Variants in SESTD1 observed in about 807,000 individuals in gnomAD.
SESTD1 encodes the protein SEC14 domain and spectrin repeat-containing protein 1.
A neutral mutation model predicts 101.7 loss-of-function variants in SESTD1; 43 were observed. That is an observed-to-expected ratio of 0.42 (90% CI 0.33 to 0.55). SESTD1 has a LOEUF of 0.55. Ranked by LOEUF, SESTD1 falls within the 20% of genes least tolerant of loss-of-function variation. SESTD1 has a pLI of 0.07. For missense variants in SESTD1, 647 were observed against 815.1 expected (o/e 0.79, Z 2.51); for synonymous variants, 283 against 286.8 (o/e 0.99, Z 0.13).
intron 1 of SESTD1, among the ~76,000 whole-genome samples, chr2:179,226,262 T>G (rs1305432778): frequency 6.6e-6 from 1 of 152,142 alleles, no homozygotes; most frequent in African/African-American, 2.4e-5. Context: ...GGGAAAAATC[T>G]GAGTATCTGG....
chr2:179,243,936 A>ATG (rs575318092), intron 1 of SESTD1, among the ~76,000 whole-genome samples: 20,241 of 143,444 alleles, frequency 0.14, 1,611 homozygotes, highest in South Asian at 0.25. Flanking sequence ...ATATATATAT[A>ATG]TGTGTGTGTA....
intron 1 of SESTD1, among the ~76,000 whole-genome samples, chr2:179,253,347 C>A (rs1341792945): frequency 1.3e-5 from 2 of 152,024 alleles, no homozygotes; most frequent in African/African-American, 4.8e-5. Context: ...TTAATGGAAA[C>A]CCTGGTGATA....
At chr2:179,214,020 A>G (rs1178628705) in intron 1 of SESTD1, among the ~76,000 whole-genome samples, 2 of 135,394 alleles carry the variant, frequency 1.5e-5, no homozygotes, top group Non-Finnish European at 3.2e-5. Flanking sequence ...CAGCCACTGC[A>G]AAAACGTGCC....
In SESTD1 at chr2:179,208,845, T is replaced by A. The variant is rs1454656778; in HGVS notation, c.-25-16979A>T. Among the ~76,000 whole-genome samples the A allele has an allele frequency of 2.2e-5, 3 of 134,672 alleles. 1 individual carries two copies. Among genetic ancestry groups the A allele is most frequent in the African/African-American group, 8.8e-5 (3 of 34,040 alleles). The allele number at this position is 134,672 out of a possible 152,430, so 88.4% of individuals were successfully genotyped here. A position where few individuals can be genotyped will look rare whatever the true frequency, so the allele number is the denominator to read the frequency against. On this transcript the variant is annotated intron_variant, in intron 1 of 17. Transcript: ENST00000428443. ...CCAAGGTATTTGGTCAACAAATAGC[T>A]TGATGAATAGAATAGTACCTCACAT...
intron 3 of SESTD1, among the ~76,000 whole-genome samples, chr2:179,178,140 A>G (rs757687342): frequency 6.6e-6 from 1 of 152,234 alleles, no homozygotes; most frequent in Non-Finnish European, 1.5e-5. Context: ...ACAACCTGTG[A>G]ATATACTAAA....
At chr2:179,183,274 A>C in intron 2 of SESTD1, 86 bp from the exon 3 acceptor site, 1 of 781,958 alleles carries the variant, frequency 1.3e-6, no homozygotes, top group Non-Finnish European at 1.9e-6. Flanking sequence ...ATCTTACTAA[A>C]ATAATGATAA....
intron 5 of SESTD1, among the ~76,000 whole-genome samples, chr2:179,157,207 G>A (rs776742790): frequency 3.9e-5 from 6 of 152,086 alleles, no homozygotes; most frequent in Non-Finnish European, 8.8e-5. Flanking sequence ...AAACACTGCT[G>A]AAAGAAATCA....
At chr2:179,220,319 A>C (rs2046794912) in intron 1 of SESTD1, among the ~76,000 whole-genome samples, 1 of 152,200 alleles carries the variant, frequency 6.6e-6, no homozygotes, top group African/African-American at 2.4e-5. Context: ...AATTTTAAAA[A>C]TCTTTGGCTC....
chr2:179,130,861 A>T (rs913255684), intron 10 of SESTD1, among the ~76,000 whole-genome samples: 2 of 149,146 alleles, frequency 1.3e-5, no homozygotes, highest in East Asian at 1.9e-4. Flanking sequence ...AATCCATGTT[A>T]AAAAAAAAAT....
chr2:179,122,263 G>GT (rs144475229), intron 12 of SESTD1, among the ~76,000 whole-genome samples: 8,613 of 152,232 alleles, frequency 0.057, 339 homozygotes, highest in East Asian at 0.12. Context: ...ACAATTTTCT[G>GT]TTTTTTCTTC....
chr2:179,117,355 A>T lies in SESTD1; in HGVS notation c.1524+177T>A, dbSNP rs538408106. 7.9e-5 allele frequency among the ~76,000 whole-genome samples: 12 copies of T among 151,898 alleles called. No individual in the cohort carries two copies. The South Asian group carries it at 2.5e-3, about 32-fold the overall frequency. On this transcript the variant is annotated intron_variant, in intron 14 of 17. Transcript: ENST00000428443. ...TTCATTGAGAAAATTAAGTTAAATG[A>T]GATCAATCAACTAGCTGGGAATACC...
chr2:179,229,406 A>AGGCCTTCAGAC (rs1450343595), intron 1 of SESTD1, among the ~76,000 whole-genome samples: 3 of 152,078 alleles, frequency 2.0e-5, no homozygotes, highest in Non-Finnish European at 4.4e-5. Context: ...CCTAGTCCTC[A>AGGCCTTCAGAC]GGCCTTCAGA....
At chr2:179,232,462 A>C (rs1275086526) in intron 1 of SESTD1, among the ~76,000 whole-genome samples, 3 of 152,080 alleles carry the variant, frequency 2.0e-5, no homozygotes, top group Admixed American at 1.3e-4. Flanking sequence ...TAAATGAACA[A>C]GGTTAATCCA....
chr2:179,174,939 A>C (rs1183080810), intron 4 of SESTD1, among the ~76,000 whole-genome samples: 1 of 76,468 alleles, frequency 1.3e-5, no homozygotes, highest in African/African-American at 3.6e-5. Flanking sequence ...TGAGTCCCTG[A>C]TATAAAAAAA....
rs750314892 is a variant in SESTD1, at chr2:179,191,752, T to C, written c.55+35A>G. On this transcript the variant is annotated intron_variant, in intron 2 of 17. Transcript: ENST00000428443. ...AGAAGAAACTATTAAAAAGTTTGTA[T>C]ATCAAACACTTCAAATTTTAAGAAG... The C allele has an allele frequency of 1.9e-6, 3 of 1,562,892 alleles. No homozygotes were observed. The South Asian group carries it at 3.4e-5, about 18-fold the overall frequency.
chr2:179,159,194 G>A (rs970086875), intron 5 of SESTD1, among the ~76,000 whole-genome samples: 24 of 152,128 alleles, frequency 1.6e-4, no homozygotes, highest in African/African-American at 2.4e-5. Flanking sequence ...ATGTGTAAGA[G>A]GAAAGAGAAT....
chr2:179,133,866 C>G (rs1304208391), intron 9 of SESTD1, among the ~76,000 whole-genome samples: 1 of 152,014 alleles, frequency 6.6e-6, no homozygotes, highest in Non-Finnish European at 1.5e-5. Flanking sequence ...GATTTTCATG[C>G]CTGAATTCAA....
At chr2:179,234,633 A>G (rs1297242115) in intron 1 of SESTD1, among the ~76,000 whole-genome samples, 3 of 152,110 alleles carry the variant, frequency 2.0e-5, no homozygotes, top group Non-Finnish European at 2.9e-5. Flanking sequence ...GTACGAGTAT[A>G]CATCACCAGT....
intron 1 of SESTD1, among the ~76,000 whole-genome samples, chr2:179,208,849 T>C (rs2046618995): frequency 7.4e-6 from 1 of 134,638 alleles, no homozygotes; most frequent in Non-Finnish European, 1.6e-5. Flanking sequence ...AATAGCTTGA[T>C]GAATAGAATA....
Sources: gnomAD v4.1 joint callset for allele counts (sites outside exome capture counted in the v4.1 genomes callset) on GRCh38, gnomAD v4.1.1 for gene constraint, MANE v1.5 for transcripts, NCBI Gene and HGNC (gene_info 2026-07-23, HGNC 2026-07-21) for gene names.